The following PRUNE2 variants were observed in gnomAD, a reference collection of about 807,000 sequenced individuals.
PRUNE2 encodes the protein protein prune homolog 2.
Under a neutral mutation model 252.0 loss-of-function variants are expected in PRUNE2, and 164 were observed. That is an observed-to-expected ratio of 0.65 (90% CI 0.57 to 0.74). PRUNE2 has a LOEUF of 0.74. PRUNE2 is among the 30% of genes least tolerant of loss of function. PRUNE2 has a pLI of 0.00. For missense variants in PRUNE2, 3,495 were observed against 3,711.0 expected, an observed-to-expected ratio of 0.94 and a Z score of 1.51; for synonymous variants, 1,292 against 1,350.2, an observed-to-expected ratio of 0.96 and a Z score of 0.94.
chr9:76,904,700 A>C (rs923896678), intron 1 of PRUNE2, among the ~76,000 whole-genome samples: 1 of 152,258 alleles, frequency 6.6e-6, no homozygotes, highest in African/African-American at 2.4e-5. Context: ...TCAACTCGGA[A>C]ATCTCCACAA....
chr9:76,655,693 A>C (rs953210006), intron 9 of PRUNE2, among the ~76,000 whole-genome samples, 191 bp from the exon 10 acceptor site: 4 of 152,212 alleles, frequency 2.6e-5, no homozygotes, highest in Non-Finnish European at 2.9e-5. Context: ...AGAAAAATGG[A>C]CACCAATTTC....
chr9:76,894,716 G>GAAAAAAA (rs1170899729), intron 1 of PRUNE2, among the ~76,000 whole-genome samples: 12 of 110,700 alleles, frequency 1.1e-4, no homozygotes, highest in South Asian at 4.8e-4. Context: ...ATTTTCTGCA[G>GAAAAAAA]CAAAAAAAAA....
chr9:76,715,167 C>T lies in PRUNE2; in HGVS notation c.757-1446G>A, dbSNP rs193183411. On this transcript the variant is annotated intron_variant, in intron 6 of 18. Transcript: ENST00000376718. ...GCCACTGTGAAGATGTGAACGATGC[C>T]GTGCAGAGAGTTGCAGATTTCCCCA... 2.6e-5 allele frequency among the ~76,000 whole-genome samples: 4 copies of T among 152,324 alleles called. No individual in the cohort carries two copies. The East Asian group carries it at 5.8e-4, about 22-fold the overall frequency.
At chr9:76,733,219 CAG>C (rs1353997653) in intron 6 of PRUNE2, among the ~76,000 whole-genome samples, 1 of 152,154 alleles carries the variant, frequency 6.6e-6, no homozygotes, top group Non-Finnish European at 1.5e-5. Flanking sequence ...ATCAAGAAAA[CAG>C]ATGGCAACAT....
intron 9 of PRUNE2, among the ~76,000 whole-genome samples, chr9:76,693,459 T>C (rs1338047153): frequency 9.8e-6 from 1 of 101,874 alleles, no homozygotes; most frequent in East Asian, 2.7e-4. Flanking sequence ...TTTTTTTTTT[T>C]TGGAGACGGA....
intron 6 of PRUNE2, among the ~76,000 whole-genome samples, chr9:76,792,480 G>A (rs955897043): frequency 6.6e-6 from 1 of 152,184 alleles, no homozygotes; most frequent in African/African-American, 2.4e-5. Context: ...AGGACAGAAC[G>A]AGAGGAATGA....
rs868820157 is a variant in PRUNE2, at chr9:76,619,458, T to G, written c.9189-71A>C. 18 of 1,061,848 alleles carry G rather than the reference T, an allele frequency of 1.7e-5. 1 individual carries two copies. In the Middle Eastern group the frequency reaches 3.6e-3, roughly 211 times the overall value. 65.8% of individuals were successfully genotyped at this position (1,061,848 alleles called of 1,614,324 possible). On this transcript the variant is annotated intron_variant, in intron 17 of 18. Coordinates refer to ENST00000376718, the MANE Select transcript of PRUNE2 (RefSeq NM_015225.3). ...TCACCACTGTGAAAGCACAACAGAT[T>G]TGAGGCATTTGAAACTGTTTAATGT...
intron 6 of PRUNE2, among the ~76,000 whole-genome samples, chr9:76,753,251 A>G (rs561878469): frequency 6.6e-6 from 1 of 152,246 alleles, no homozygotes. Flanking sequence ...GTTGGTCTCA[A>G]ACTTCTAGAT....
At chr9:76,669,577 C>A (rs1193193251) in intron 9 of PRUNE2, among the ~76,000 whole-genome samples, 1 of 152,194 alleles carries the variant, frequency 6.6e-6, no homozygotes, top group Non-Finnish European at 1.5e-5. Context: ...ACGTTAGCCT[C>A]CCAAAGTGCT....
At chr9:76,644,495 G>A (rs965581168) in intron 12 of PRUNE2, 12 of 578,504 alleles carry the variant, frequency 2.1e-5, no homozygotes, top group South Asian at 6.8e-5. Context: ...CAAGATGATC[G>A]CTATCAGATA....
At chr9:76,635,025 T>G (rs1203805368) in intron 15 of PRUNE2, among the ~76,000 whole-genome samples, 1 of 152,154 alleles carries the variant, frequency 6.6e-6, no homozygotes, top group African/African-American at 2.4e-5. Context: ...CAGGCTGGAG[T>G]GCAGTGGTGT....
chr9:76,814,644 T>C (rs896973021), intron 6 of PRUNE2, among the ~76,000 whole-genome samples: 1 of 152,126 alleles, frequency 6.6e-6, no homozygotes, highest in Non-Finnish European at 1.5e-5. Context: ...GCCCATTGCA[T>C]CAAGATCCCA....
At chr9:76,686,982 C>G (rs2044165496) in intron 9 of PRUNE2, among the ~76,000 whole-genome samples, 1 of 152,152 alleles carries the variant, frequency 6.6e-6, no homozygotes, top group African/African-American at 2.4e-5. Context: ...CTCGAGTGAT[C>G]CTCCCACCTT....
chr9:76,684,070 C>T (rs2043802335), intron 9 of PRUNE2, among the ~76,000 whole-genome samples: 2 of 151,942 alleles, frequency 1.3e-5, no homozygotes, highest in South Asian at 4.2e-4. Context: ...TCCATCACCT[C>T]ACATACTTAT....
At chr9:76,827,687 G>A (rs190976892) in intron 4 of PRUNE2, among the ~76,000 whole-genome samples, 2 of 152,146 alleles carry the variant, frequency 1.3e-5, no homozygotes, top group African/African-American at 4.8e-5. Context: ...ATCCAGTGAG[G>A]GAAAACTATG....
intron 6 of PRUNE2, among the ~76,000 whole-genome samples, chr9:76,794,457 A>C (rs1192526563): frequency 3.3e-5 from 5 of 151,986 alleles, no homozygotes; most frequent in African/African-American, 4.8e-5. Flanking sequence ...TCTACTAAAA[A>C]TACAAAAATT....
intron 9 of PRUNE2, among the ~76,000 whole-genome samples, chr9:76,681,286 G>T (rs989190136): frequency 6.6e-6 from 1 of 152,114 alleles, no homozygotes; most frequent in African/African-American, 2.4e-5. Context: ...AGGGGCCGGG[G>T]AGATGGGGAA....
intron 6 of PRUNE2, among the ~76,000 whole-genome samples, chr9:76,799,062 C>T (rs1047308828): frequency 6.6e-6 from 1 of 151,802 alleles, no homozygotes; most frequent in African/African-American, 2.4e-5. Context: ...GATTTTTGGC[C>T]AAACGCGGTG....
At chr9:76,655,129 C>T (rs994926663) in intron 10 of PRUNE2, among the ~76,000 whole-genome samples, 3 of 152,058 alleles carry the variant, frequency 2.0e-5, no homozygotes, top group Admixed American at 1.3e-4. Flanking sequence ...AGACATTAGT[C>T]AGAATTTGGT....
Sources: gnomAD v4.1 joint callset for allele counts (sites outside exome capture counted in the v4.1 genomes callset) on GRCh38, gnomAD v4.1.1 for gene constraint, MANE v1.5 for transcripts, NCBI Gene and HGNC (gene_info 2026-07-23, HGNC 2026-07-21) for gene names.